Variants in IFI35 observed in about 807,000 individuals in gnomAD.
IFI35 encodes the protein interferon induced protein 35.
A neutral mutation model predicts 28.6 loss-of-function variants in IFI35; 30 were observed. The ratio of observed to expected loss-of-function variants is 1.05; its 90% CI spans 0.79 to 1.43. The LOEUF (loss-of-function observed/expected upper bound fraction) is 1.43. Among genes scored for constraint, IFI35 ranks in the 40% most tolerant of loss-of-function variants. The pLI is 0.00. For synonymous variants in IFI35, 146 were observed against 154.8 expected (o/e 0.94, Z 0.42); for missense variants, 372 against 356.9 (o/e 1.04, Z -0.34).
At chr17:43,009,642 A>C (rs2050439462) in intron 1 of IFI35, among the ~76,000 whole-genome samples, 1 of 151,990 alleles carries the variant, frequency 6.6e-6, no homozygotes, top group African/African-American at 2.4e-5. Context: ...AGTCCCAGCT[A>C]CTCGGGAGGC....
intron 3 of IFI35, 21 bp downstream of exon 3, chr17:43,013,215 A>G: frequency 6.2e-7 from 1 of 1,614,098 alleles, no homozygotes; most frequent in Non-Finnish European, 8.5e-7. Context: ...GGGGAGCCTC[A>G]GGAGGGAGGT....
At position 43,014,115 on chromosome 17, in the gene IFI35, C is replaced by A. The variant is rs764211735; in HGVS notation, c.677C>A (p.Ser226Ter). 6.2e-7 allele frequency: 1 copy of A among 1,613,798 alleles called. No individual in the cohort carries two copies. The highest frequency in any genetic ancestry group is 8.5e-7 in the Non-Finnish European group (1 of 1,179,826). The change falls in exon 7 of 7, where the codon TCG becomes TAG. Residue 226 changes from serine (S) to a stop codon, truncating the protein, a stop_gained. Coordinates refer to ENST00000415816, the MANE Select transcript of IFI35 (RefSeq NM_001330230.2). LOFTEE classifies it high-confidence loss of function. ...NGEIQKAEIR[S>*]QPVPRSVLVL... ...TCCTGGCTCCTTTTCCAGATCAGGT[C>A]GCAGCCAGTTCCCCGCTCGGTACTG...
In IFI35 at chr17:43,006,918, C is replaced by G; in HGVS notation, c.-30C>G. 4 of 1,613,950 alleles carry G rather than the reference C, an allele frequency of 2.5e-6. No homozygotes were observed. Among genetic ancestry groups the G allele is most frequent in the Non-Finnish European group, 3.4e-6 (4 of 1,179,820 alleles). On this transcript the variant is annotated 5_prime_UTR_variant, in exon 1 of 7. Coordinates refer to ENST00000415816, the MANE Select transcript of IFI35 (RefSeq NM_001330230.2). ...CTGCCACTGTGCCCAGCTCTGAAGC[C>G]TCAGCTCTTGCCAAACAGACCCGAG...
rs1360721315 is a variant in IFI35, at chr17:43,013,591, AC to A, written c.492del (p.Asn164LysfsTer46). The A allele has an allele frequency of 6.2e-7, 1 of 1,614,016 alleles. No homozygotes were observed. Among genetic ancestry groups the A allele is most frequent in the African/African-American group, 1.3e-5 (1 of 74,920 alleles). On this transcript the variant is annotated frameshift_variant, in exon 5 of 7. Transcript: ENST00000415816. LOFTEE classifies it high-confidence loss of function. ...GAGATCTTCTTTGGCAAGACTAGGA[AC>A]GGAGGTGGCGATGTGGACGTTCGGG... ...KLEIFFGKTR[N>X]GGGDVDVREL...
intron 1 of IFI35, 100 bp from the exon 2 acceptor site, chr17:43,012,079 T>C: frequency 8.7e-6 from 7 of 801,184 alleles, no homozygotes; most frequent in Non-Finnish European, 1.2e-5. Flanking sequence ...TAGCATCAAC[T>C]CTGCTTTTGG....
chr17:43,008,592 C>T (rs1300406200), intron 1 of IFI35, among the ~76,000 whole-genome samples: 8 of 139,360 alleles, frequency 5.7e-5, no homozygotes, highest in East Asian at 2.2e-4. Flanking sequence ...GGCAGGATCT[C>T]GGCTCACAGC....
Position 43,006,826 on chromosome 17 carries a change from C to T in IFI35, c.-122C>T. ...GAGCCTCCTGAGGTGTATTTCGGGT[C>T]TTGCTGGGGCTGAGAGAGACCACAG... On this transcript the variant is annotated 5_prime_UTR_variant, in exon 1 of 7. Coordinates refer to ENST00000415816, the MANE Select transcript of IFI35 (RefSeq NM_001330230.2). The T allele has an allele frequency of 9.8e-7, 1 of 1,017,154 alleles. No homozygotes were observed. The highest frequency in any genetic ancestry group is 1.6e-6 in the Non-Finnish European group (1 of 641,548). The allele number at this position is 1,017,154 out of a possible 1,614,324, so 63.0% of individuals were successfully genotyped here. A position where few individuals can be genotyped will look rare whatever the true frequency, so the allele number is the denominator to read the frequency against.
rs762089420 is a variant in IFI35, at chr17:43,013,359, G to T, written c.361G>T (p.Val121Phe). 6.8e-6 allele frequency: 11 copies of T among 1,613,948 alleles called. No homozygotes were observed. The Admixed American group carries it at 1.8e-4, about 27-fold the overall frequency. Residue 121 changes from valine to phenylalanine, a missense_variant, in exon 4 of 7, where the codon GTC becomes TTC. Val to Phe is a conservative substitution (Grantham distance 50). Transcript: ENST00000415816. ...GGTCCAGCCCTTGGAGCTGCCCATG[G>T]TCACCACCATCCAGGTGATGGTATG... is the stretch of plus-strand genomic sequence containing the variant. ...VQVQPLELPM[V>F]TTIQMSSQLS...
chr17:43,011,289 C>T (rs1017855676), intron 1 of IFI35, among the ~76,000 whole-genome samples: 6 of 152,098 alleles, frequency 3.9e-5, no homozygotes, highest in East Asian at 3.8e-4. Context: ...GAGGCCGAGG[C>T]GGGCAGATCA....
chr17:43,007,052 C>T, intron 1 of IFI35, 84 bp downstream of exon 1: 1 of 1,429,496 alleles, frequency 7.0e-7, no homozygotes, highest in Admixed American at 1.7e-5. Flanking sequence ...CAGGGCCTGG[C>T]AGCCAAGCCT....
chr17:43,013,249 C>T lies in IFI35; in HGVS notation c.269-18C>T. 1.2e-6 allele frequency: 2 copies of T among 1,614,110 alleles called. No homozygotes were observed. The highest frequency in any genetic ancestry group is 1.7e-6 in the Non-Finnish European group (2 of 1,179,984). ...GTGGGGAGGGTTCCCAGTACTGACC[C>T]TGTTTCCCACCACCCAGTGGCTGAG... On this transcript the variant is annotated intron_variant, in intron 3 of 6. Transcript: ENST00000415816.
At chr17:43,011,554 A>T in intron 1 of IFI35, among the ~76,000 whole-genome samples, 1 of 152,246 alleles carries the variant, frequency 6.6e-6, no homozygotes, top group African/African-American at 2.4e-5. Context: ...AAAAAAATAA[A>T]TCAATAAAAT....
intron 2 of IFI35, 130 bp downstream of exon 2, chr17:43,012,407 C>A: frequency 1.8e-6 from 1 of 566,278 alleles, no homozygotes. Flanking sequence ...GAGTTTGAGA[C>A]CAGCCTGGCC....
chr17:43,010,415 T>C (rs1279635305), intron 1 of IFI35, among the ~76,000 whole-genome samples: 2 of 151,884 alleles, frequency 1.3e-5, no homozygotes, highest in East Asian at 3.9e-4. Context: ...AACAAAAACA[T>C]GGGTAGATTT....
intron 6 of IFI35, 33 bp downstream of exon 6, chr17:43,013,915 C>A (rs1208483865): frequency 1.4e-6 from 2 of 1,470,084 alleles, no homozygotes; most frequent in Non-Finnish European, 1.9e-6. Context: ...AGGGGCTGGG[C>A]TGGGTAACCT....
Position 43,013,559 on chromosome 17 carries a change from C to A in IFI35, c.459C>A (p.Asp153Glu). The change falls in exon 5 of 7, where the codon GAC (aspartate) becomes GAA (glutamate). Residue 153 changes from aspartate (D) to glutamate (E), a missense_variant. By Grantham distance (45) the Asp-to-Glu change is conservative. Coordinates refer to ENST00000415816, the MANE Select transcript of IFI35 (RefSeq NM_001330230.2). ...SLRLSEEELLDKLEIFFGKTR... is the reference protein window; with the variant it reads ...SLRLSEEELLEKLEIFFGKTR... The stretch of plus-strand genomic sequence containing the variant: ...GGCTGAGTGAGGAGGAGCTGCTGGA[C>A]AAGCTAGAGATCTTCTTTGGCAAGA... 1 of 1,614,122 alleles carries A rather than the reference C, an allele frequency of 6.2e-7. No homozygotes were observed. Among genetic ancestry groups the A allele is most frequent in the Non-Finnish European group, 8.5e-7 (1 of 1,180,020 alleles).
chr17:43,009,668 G>A (rs2050439795), intron 1 of IFI35, among the ~76,000 whole-genome samples: 1 of 150,822 alleles, frequency 6.6e-6, no homozygotes, highest in Non-Finnish European at 1.5e-5. Context: ...CAGGAGAATC[G>A]CTTGAACCCG....
intron 1 of IFI35, among the ~76,000 whole-genome samples, chr17:43,010,477 C>T (rs565077046): frequency 2.6e-5 from 4 of 152,312 alleles, no homozygotes; most frequent in African/African-American, 9.6e-5. Flanking sequence ...TTAGAAAGGA[C>T]ATGCTCTTCC....
At chr17:43,009,338 G>A (rs1372362195) in intron 1 of IFI35, among the ~76,000 whole-genome samples, 1 of 152,134 alleles carries the variant, frequency 6.6e-6, no homozygotes, top group African/African-American at 2.4e-5. Flanking sequence ...AGATTAGGGG[G>A]CCTGGGTCCG....
Sources: gnomAD v4.1 joint callset for allele counts (sites outside exome capture counted in the v4.1 genomes callset) on GRCh38, gnomAD v4.1.1 for gene constraint, MANE v1.5 for transcripts, NCBI Gene and HGNC (gene_info 2026-07-23, HGNC 2026-07-21) for gene names.